SYN2: variants seen among roughly 807,000 people sequenced by gnomAD.
SYN2 encodes the protein synapsin II.
SYN2 carries 19 observed loss-of-function variants against 50.9 expected under a neutral mutation model. The observed-to-expected ratio is 0.37, with a 90% CI of 0.26 to 0.55. The LOEUF is 0.55. SYN2 is among the 20% of genes least tolerant of loss of function. The pLI, the probability that SYN2 is intolerant of heterozygous loss-of-function variation, is 0.81. For missense variants in SYN2, 587 were observed against 576.4 expected, an observed-to-expected ratio of 1.02 and a Z score of -0.19; for synonymous variants, 255 against 224.9, an observed-to-expected ratio of 1.13 and a Z score of -1.20.
At chr3:12,157,631 G>C (rs1697497626) in intron 5 of SYN2, 1 of 695,614 alleles carries the variant, frequency 1.4e-6, no homozygotes, top group Non-Finnish European at 2.5e-6. Flanking sequence ...GTGTGAGAAG[G>C]GGGACCTGGA....
intron 6 of SYN2, 70 bp from the exon 7 acceptor site, chr3:12,161,941 GC>G: frequency 6.3e-7 from 1 of 1,586,000 alleles, no homozygotes; most frequent in Non-Finnish European, 8.6e-7. Context: ...GAGGCTCAGG[GC>G]CCTTGTGACT....
intron 1 of SYN2, among the ~76,000 whole-genome samples, chr3:12,117,361 T>G (rs1696457486): frequency 6.6e-6 from 1 of 152,216 alleles, no homozygotes; most frequent in Admixed American, 6.5e-5. Flanking sequence ...GAGTGACAAC[T>G]TTCTTAGGTA....
intron 1 of SYN2, among the ~76,000 whole-genome samples, chr3:12,046,158 G>T (rs1480992715): frequency 6.6e-6 from 1 of 152,148 alleles, no homozygotes; most frequent in African/African-American, 2.4e-5. Context: ...TGGTTTAGTT[G>T]TTCAGTCAAC....
At chr3:12,050,982 G>A (rs536526687) in intron 1 of SYN2, among the ~76,000 whole-genome samples, 25 of 151,190 alleles carry the variant, frequency 1.7e-4, no homozygotes, top group Admixed American at 8.5e-4. Context: ...TGATCCACCC[G>A]CCTCGGCCTC....
intron 1 of SYN2, among the ~76,000 whole-genome samples, chr3:12,030,241 G>A (rs1694353935): frequency 1.6e-5 from 2 of 121,830 alleles, no homozygotes; most frequent in African/African-American, 5.8e-5. Context: ...CTTGATCATG[G>A]TGGATAAGCT....
At chr3:12,023,259 A>G (rs906209373) in intron 1 of SYN2, among the ~76,000 whole-genome samples, 1 of 152,160 alleles carries the variant, frequency 6.6e-6, no homozygotes, top group Non-Finnish European at 1.5e-5. Flanking sequence ...TACAGGGATA[A>G]AATTTCTTTT....
intron 1 of SYN2, among the ~76,000 whole-genome samples, chr3:12,042,018 T>C (rs1418903893): frequency 6.6e-6 from 1 of 152,222 alleles, no homozygotes; most frequent in Non-Finnish European, 1.5e-5. Context: ...TCTGCCAACA[T>C]ATATAGTAGT....
chr3:12,118,676 G>T (rs1427997745), intron 1 of SYN2, among the ~76,000 whole-genome samples: 1 of 152,066 alleles, frequency 6.6e-6, no homozygotes, highest in Non-Finnish European at 1.5e-5. Flanking sequence ...AGAAGTTTAG[G>T]GGGTCCATAT....
rs1698445087 is a variant in SYN2, at chr3:12,191,634, C to G, written c.*1009C>G. On this transcript the variant is annotated 3_prime_UTR_variant, in exon 13 of 13. Transcript: ENST00000621198. Reference sequence around the variant, plus strand: ...CACTTCTGGGCCTCCTCGCACCTCCCCAGTGAATCTGTCTCCTCCAAGACA... The same window carrying G: ...CACTTCTGGGCCTCCTCGCACCTCCGCAGTGAATCTGTCTCCTCCAAGACA... 6.6e-6 allele frequency among the ~76,000 whole-genome samples: 1 copy of G among 152,300 alleles called. No homozygotes were observed. Among genetic ancestry groups the G allele is most frequent in the South Asian group, 2.1e-4 (1 of 4,826 alleles).
intron 1 of SYN2, among the ~76,000 whole-genome samples, chr3:12,014,687 C>T (rs201386057): frequency 6.6e-6 from 1 of 152,162 alleles, no homozygotes; most frequent in African/African-American, 2.4e-5. Context: ...CCTCAGGCCA[C>T]CCAAGCTGTG....
chr3:12,095,742 C>G (rs1695918938), intron 1 of SYN2, among the ~76,000 whole-genome samples: 1 of 150,424 alleles, frequency 6.6e-6, no homozygotes, highest in African/African-American at 2.5e-5. Context: ...TACCAGATCT[C>G]TAAGTGTTGG....
At chr3:12,094,413 T>G (rs768888797) in intron 1 of SYN2, among the ~76,000 whole-genome samples, 2 of 152,148 alleles carry the variant, frequency 1.3e-5, no homozygotes, top group Non-Finnish European at 2.9e-5. Context: ...TAAAAAAAAT[T>G]TATAACAGCC....
intron 1 of SYN2, among the ~76,000 whole-genome samples, chr3:12,138,902 G>A (rs1051804858): frequency 4.6e-5 from 7 of 152,176 alleles, no homozygotes; most frequent in African/African-American, 1.7e-4. Flanking sequence ...AACCTGCAGA[G>A]TCCAAGGTCT....
chr3:12,101,385 CA>C (rs1696072226), intron 1 of SYN2, among the ~76,000 whole-genome samples: 1 of 152,088 alleles, frequency 6.6e-6, no homozygotes, highest in African/African-American at 2.4e-5. Context: ...AACCCGGGCA[CA>C]AAAGACCACA....
intron 1 of SYN2, among the ~76,000 whole-genome samples, chr3:12,054,570 C>A (rs1028913003): frequency 1.3e-5 from 2 of 152,078 alleles, no homozygotes; most frequent in African/African-American, 2.4e-5. Flanking sequence ...TACCAATTCT[C>A]CCCTCTCTGA....
At chr3:12,035,019 C>T (rs1236486891) in intron 1 of SYN2, among the ~76,000 whole-genome samples, 6 of 152,082 alleles carry the variant, frequency 3.9e-5, no homozygotes, top group South Asian at 2.1e-4. Context: ...CCTGTGAAAT[C>T]GAAACAGGTT....
chr3:12,191,381 G>A lies in SYN2; in HGVS notation c.*756G>A, dbSNP rs1025400825. 1.1e-5 allele frequency: 2 copies of A among 175,732 alleles called. No individual in the cohort carries two copies. Among genetic ancestry groups the A allele is most frequent in the African/African-American group, 4.8e-5 (2 of 41,864 alleles). 10.9% of individuals were successfully genotyped at this position (175,732 alleles called of 1,614,324 possible). A position where few individuals can be genotyped will look rare whatever the true frequency, so the allele number is the denominator to read the frequency against. On this transcript the variant is annotated 3_prime_UTR_variant, in exon 13 of 13. Transcript: ENST00000621198. ...CCTAATAAACGTTAAGACCTTTGGT[G>A]TAATAAAAGCAGCAGCATTCACCAA...
intron 5 of SYN2, among the ~76,000 whole-genome samples, chr3:12,160,042 CAAAAAAAAAA>C (rs3079818): frequency 4.4e-5 from 3 of 67,614 alleles, no homozygotes; most frequent in East Asian, 1.0e-3. Flanking sequence ...GACTCCGTCT[CAAAAAAAAAA>C]AAAAAAAAAA....
intron 1 of SYN2, among the ~76,000 whole-genome samples, chr3:12,013,296 C>T (rs1450224310): frequency 2.6e-5 from 4 of 152,054 alleles, no homozygotes; most frequent in African/African-American, 7.2e-5. Context: ...CTTGTTTTAT[C>T]GAAGTTTCTT....
Sources: allele counts gnomAD v4.1 joint callset (sites outside exome capture counted in the v4.1 genomes callset), GRCh38; gene constraint gnomAD v4.1.1; transcripts MANE v1.5; gene names NCBI Gene and HGNC (gene_info 2026-07-23, HGNC 2026-07-21).